RIC1: variants seen among roughly 807,000 people sequenced by gnomAD.
RIC1 encodes the protein RIC1 partner of RAB6A GEF complex.
In RIC1, 88 loss-of-function variants were observed where a neutral mutation model predicts 169.0. The observed-to-expected ratio is 0.52, with a 90% CI of 0.44 to 0.62. The LOEUF is 0.62. Among genes scored for constraint, RIC1 ranks in the 20% least tolerant of loss-of-function variants. RIC1 has a pLI of 0.00. For missense variants in RIC1, 1,877 were observed against 1,725.5 expected, an observed-to-expected ratio of 1.09 and a Z score of -1.56; for synonymous variants, 790 against 601.5, an observed-to-expected ratio of 1.31 and a Z score of -4.59.
At chr9:5,675,974 T>C (rs1056583678) in intron 2 of RIC1, among the ~76,000 whole-genome samples, 2 of 152,234 alleles carry the variant, frequency 1.3e-5, no homozygotes, top group African/African-American at 4.8e-5. Flanking sequence ...AACCCCCATC[T>C]TGCCTTTAAC....
Position 5,774,108 on chromosome 9 carries a change from G to A in RIC1, c.4134G>A (p.Arg1378=), listed in dbSNP as rs1173395820. ...CTAGCCCCCGGGCAGAGGAGAGCAGGGGCTCCTCCAGCCATGGAAGCATCC... is the reference window on the plus strand; with the variant it reads ...CTAGCCCCCGGGCAGAGGAGAGCAGAGGCTCCTCCAGCCATGGAAGCATCC... ...EQTSPRAEES[R]GSSSHGSIPQ... The change falls in exon 26 of 26, where the codon AGG becomes AGA. Residue 1378 remains arginine (R), a synonymous_variant. Transcript: ENST00000414202. The A allele has an allele frequency of 1.2e-6, 2 of 1,614,018 alleles. No individual in the cohort carries two copies.
chr9:5,702,288 C>G (rs909433286), intron 3 of RIC1, among the ~76,000 whole-genome samples: 1 of 152,114 alleles, frequency 6.6e-6, no homozygotes, highest in Non-Finnish European at 1.5e-5. Context: ...GTATATTAGT[C>G]TATTCTCACA....
chr9:5,771,990 T>G (rs187464439), intron 23 of RIC1, among the ~76,000 whole-genome samples: 125 of 152,322 alleles, frequency 8.2e-4, no homozygotes, highest in African/African-American at 2.6e-3. Flanking sequence ...CTATAAAAAT[T>G]TGATAATTCC....
In RIC1 at chr9:5,743,753, A is replaced by G; in HGVS notation, c.1095+16A>G. 2.5e-6 allele frequency: 4 copies of G among 1,584,616 alleles called. No homozygotes were observed. In the East Asian group the frequency reaches 9.0e-5, roughly 35 times the overall value. On this transcript the variant is annotated intron_variant, in intron 10 of 25. Transcript: ENST00000414202. ...CAACTCTATGGTAAGTACTTTCTAT[A>G]AAAAATTGGCATGGTATTAAAAAAA...
chr9:5,696,039 T>C (rs1342296065), intron 3 of RIC1, among the ~76,000 whole-genome samples: 2 of 152,208 alleles, frequency 1.3e-5, no homozygotes, highest in East Asian at 3.8e-4. Context: ...GGATTGTTTC[T>C]TCACTTTACA....
chr9:5,740,590 C>A (rs1825020912), intron 8 of RIC1, among the ~76,000 whole-genome samples: 2 of 151,350 alleles, frequency 1.3e-5, no homozygotes, highest in South Asian at 4.2e-4. Flanking sequence ...AACTGAAGAA[C>A]TTGGAGTCTG....
At position 5,772,914 on chromosome 9, in the gene RIC1, G is replaced by A. The variant is rs1348711718; in HGVS notation, c.3817G>A (p.Glu1273Lys). 1 of 1,611,298 alleles carries A rather than the reference G, an allele frequency of 6.2e-7. No individual in the cohort carries two copies. The highest frequency in any genetic ancestry group is 8.5e-7 in the Non-Finnish European group (1 of 1,179,160). ...QLRYLLHIFM[E>K]AGCLDWCIVI... ...TAGGTATTTGCTACACATTTTCATG[G>A]AGGCAGGGTGCCTAGACTGGTGCAT... is the stretch of plus-strand genomic sequence containing the variant. Residue 1273 changes from glutamate (E) to lysine (K), a missense_variant, in exon 25 of 26, where the codon GAG (glutamate) becomes AAG (lysine). Around this residue, in one of 3 missense-constraint regions of RIC1, gnomAD observed 681 missense variants for 582.0 expected, o/e 1.17. Transcript: ENST00000414202.
intron 14 of RIC1, among the ~76,000 whole-genome samples, chr9:5,754,305 C>T (rs1306391359): frequency 6.6e-6 from 1 of 152,154 alleles, no homozygotes; most frequent in Non-Finnish European, 1.5e-5. Flanking sequence ...TGCTATATAG[C>T]ACCCAGTTAT....
At chr9:5,689,889 A>G in intron 2 of RIC1, 70 bp from the exon 3 acceptor site, 1 of 1,068,096 alleles carries the variant, frequency 9.4e-7, no homozygotes, top group Non-Finnish European at 1.4e-6. Flanking sequence ...AAGAATTTAT[A>G]AAATTAAAAT....
At chr9:5,694,582 C>T (rs1171804373) in intron 3 of RIC1, among the ~76,000 whole-genome samples, 1 of 152,128 alleles carries the variant, frequency 6.6e-6, no homozygotes, top group African/African-American at 2.4e-5. Context: ...ATTATAGTTG[C>T]ATGAGCACTT....
At chr9:5,634,956 C>T (rs1341247333) in intron 1 of RIC1, among the ~76,000 whole-genome samples, 1 of 152,092 alleles carries the variant, frequency 6.6e-6, no homozygotes, top group East Asian at 1.9e-4. Flanking sequence ...TATAGTCACC[C>T]TGTTGTACTA....
intron 3 of RIC1, among the ~76,000 whole-genome samples, chr9:5,706,618 A>G (rs933282395): frequency 6.6e-6 from 1 of 152,068 alleles, no homozygotes; most frequent in Non-Finnish European, 1.5e-5. Context: ...TTAGTGACTC[A>G]ATTTCATTAC....
intron 17 of RIC1, among the ~76,000 whole-genome samples, chr9:5,758,083 A>G (rs937672530): frequency 2.0e-5 from 3 of 152,212 alleles, no homozygotes; most frequent in South Asian, 4.1e-4. Flanking sequence ...GTAATGATCT[A>G]GGTCAGTGGT....
At chr9:5,757,158 A>G (rs566782061) in intron 16 of RIC1, among the ~76,000 whole-genome samples, 155 bp from the exon 17 acceptor site, 2 of 152,034 alleles carry the variant, frequency 1.3e-5, no homozygotes, top group Non-Finnish European at 2.9e-5. Flanking sequence ...AACCTTGCCA[A>G]CTTCCTGATC....
intron 4 of RIC1, among the ~76,000 whole-genome samples, chr9:5,717,921 C>T (rs1469622031): frequency 4.0e-5 from 6 of 151,394 alleles, no homozygotes; most frequent in African/African-American, 1.5e-4. Flanking sequence ...GGGTCGATCA[C>T]CTGAGGTCAG....
At position 5,682,925 on chromosome 9, in the gene RIC1, C is replaced by CGAA. The variant is rs1220826053; in HGVS notation, c.253-7033_253-7032insAAG. ...TCATTTCATTCATTTCATCTTCCAT[C>CGAA]GCTGATACCCTTTCTTCCAGTTGAT... On this transcript the variant is annotated intron_variant, in intron 2 of 25. Transcript: ENST00000414202. 2.3e-3 allele frequency among the ~76,000 whole-genome samples: 351 copies of CGAA among 152,316 alleles called. 1 individual carries two copies. Among genetic ancestry groups the CGAA allele is most frequent in the South Asian group, 8.9e-3 (43 of 4,818 alleles).
rs149341001 is a variant in RIC1 at position 5,713,098 on chromosome 9, C to G, written c.333-798C>G. 3.7e-4 allele frequency: 57 copies of G among 152,254 alleles called. No homozygotes were observed. In the East Asian group the frequency reaches 0.01, roughly 27 times the overall value. The allele number at this position is 152,254 out of a possible 1,614,324, so 9.4% of individuals were successfully genotyped here. A position where few individuals can be genotyped will look rare whatever the true frequency, so the allele number is the denominator to read the frequency against. On this transcript the variant is annotated intron_variant, in intron 3 of 25. Coordinates refer to ENST00000414202, the MANE Select transcript of RIC1 (RefSeq NM_020829.4). Reference sequence around the variant, plus strand: ...TTTGTGCATATTTTAATAGTATCGACAAATTATAGGAATGTACTTGACTGG... The same window carrying G: ...TTTGTGCATATTTTAATAGTATCGAGAAATTATAGGAATGTACTTGACTGG...
chr9:5,748,675 G>A (rs962370826), intron 12 of RIC1: 2 of 152,694 alleles, frequency 1.3e-5, no homozygotes, highest in South Asian at 2.1e-4. Context: ...AGCCAGGTCT[G>A]TGTTACCAGA....
At chr9:5,645,795 C>T (rs898758546) in intron 1 of RIC1, among the ~76,000 whole-genome samples, 5 of 152,096 alleles carry the variant, frequency 3.3e-5, no homozygotes, top group African/African-American at 1.2e-4. Flanking sequence ...TTTATTCATT[C>T]ATCTGTTGAT....
Sources: gnomAD v4.1 joint callset for allele counts (sites outside exome capture counted in the v4.1 genomes callset) on GRCh38, gnomAD v4.1.1 for gene constraint, gnomAD v4.1.1 regional missense constraint, MANE v1.5 for transcripts, NCBI Gene and HGNC (gene_info 2026-07-23, HGNC 2026-07-21) for gene names.